NEK9: variants seen among roughly 807,000 people sequenced by gnomAD.
NEK9 encodes the protein serine/threonine-protein kinase Nek9.
In NEK9, 75 loss-of-function variants were observed where a neutral mutation model predicts 123.4. That is an observed-to-expected ratio of 0.61 (90% CI 0.50 to 0.74). The LOEUF is 0.74. Among genes scored for constraint, NEK9 ranks in the 30% least tolerant of loss-of-function variants. The pLI is 0.00. For missense variants in NEK9, 952 were observed against 1,214.4 expected, an observed-to-expected ratio of 0.78 and a Z score of 3.21; for synonymous variants, 438 against 458.7, an observed-to-expected ratio of 0.95 and a Z score of 0.58.
At chr14:75,110,145 G>A (rs1389718581) in intron 9 of NEK9, among the ~76,000 whole-genome samples, 176 bp downstream of exon 9, 1 of 152,176 alleles carries the variant, frequency 6.6e-6, no homozygotes, top group Non-Finnish European at 1.5e-5. Flanking sequence ...GGCCACTTTA[G>A]TGTGAGGGTG....
At chr14:75,120,959 T>C (rs774467540) in intron 3 of NEK9, 160 bp downstream of exon 3, 15 of 713,256 alleles carry the variant, frequency 2.1e-5, no homozygotes, top group Non-Finnish European at 3.8e-5. Context: ...ATAGACAGCT[T>C]CCTTGTTAGA....
intron 14 of NEK9, among the ~76,000 whole-genome samples, chr14:75,102,526 G>T (rs1198998090): frequency 2.0e-5 from 3 of 150,344 alleles, no homozygotes; most frequent in Non-Finnish European, 3.0e-5. Flanking sequence ...TTTTTTTTTG[G>T]TATTTTTAGT....
intron 8 of NEK9, among the ~76,000 whole-genome samples, chr14:75,113,098 C>A (rs116507506): frequency 0.015 from 2,312 of 152,258 alleles, 22 homozygotes; most frequent in Middle Eastern, 0.068. Context: ...GGTTTAAAAC[C>A]AATGGGTTGG....
intron 14 of NEK9, among the ~76,000 whole-genome samples, chr14:75,102,603 C>T (rs548125182): frequency 1.1e-3 from 173 of 152,208 alleles, no homozygotes; most frequent in African/African-American, 3.8e-3. Context: ...CCGCCCGCCT[C>T]AGCCTCCCAA....
chr14:75,124,359 G>T (rs1303281196), intron 1 of NEK9, 136 bp from the exon 2 acceptor site: 4 of 661,478 alleles, frequency 6.0e-6, no homozygotes, highest in African/African-American at 3.6e-5. Context: ...CCTTTTAACA[G>T]ACTTTAAAGG....
At chr14:75,117,421 A>G in intron 5 of NEK9, 95 bp from the exon 6 acceptor site, 7 of 1,337,828 alleles carry the variant, frequency 5.2e-6, no homozygotes, top group Non-Finnish European at 7.1e-6. Context: ...GGAACTAGTC[A>G]TAACAACCAT....
In NEK9 at chr14:75,126,775, T is replaced by C. The variant is rs1895545457; in HGVS notation, c.147A>G (p.Glu49=). 6 of 1,531,016 alleles carry C rather than the reference T, an allele frequency of 3.9e-6. No individual in the cohort carries two copies. Among genetic ancestry groups the C allele is most frequent in the Non-Finnish European group, 5.3e-6 (6 of 1,139,942 alleles). The allele number at this position is 1,531,016 out of a possible 1,614,324, so 94.8% of individuals were successfully genotyped here. Residue 49 remains glutamate (E), a synonymous_variant, in exon 1 of 22, where the codon GAA becomes GAG. Transcript: ENST00000238616. ...RAGGGAAEQE[E]LHYIPIRVLG... ...GGACGCGGATGGGGATGTAGTGCAG[T>C]TCCTCCTGCTCCGCCGCGCCGCCGC...
chr14:75,121,857 G>A (rs1895347992), intron 2 of NEK9, among the ~76,000 whole-genome samples: 1 of 152,140 alleles, frequency 6.6e-6, no homozygotes, highest in African/African-American at 2.4e-5. Context: ...GTGACAGTGA[G>A]AGTCTATCTC....
At chr14:75,096,308 C>G (rs1894383108) in intron 17 of NEK9, among the ~76,000 whole-genome samples, 1 of 141,590 alleles carries the variant, frequency 7.1e-6, no homozygotes, top group African/African-American at 2.6e-5. Context: ...AAAAGCTTCT[C>G]AAGGATTCTA....
chr14:75,087,732 T>C (rs1894074359), intron 20 of NEK9, among the ~76,000 whole-genome samples: 1 of 152,256 alleles, frequency 6.6e-6, no homozygotes, highest in Non-Finnish European at 1.5e-5. Context: ...AAAGGTATTA[T>C]TACCTCTTCT....
intron 6 of NEK9, 122 bp downstream of exon 6, chr14:75,117,073 G>T: frequency 8.8e-7 from 1 of 1,132,386 alleles, no homozygotes; most frequent in Non-Finnish European, 1.2e-6. Flanking sequence ...TACTAATCTT[G>T]TACCTGAATA....
intron 4 of NEK9, among the ~76,000 whole-genome samples, chr14:75,119,556 G>A (rs941654333): frequency 6.6e-6 from 1 of 152,134 alleles, no homozygotes; most frequent in Non-Finnish European, 1.5e-5. Flanking sequence ...TGGTGCTCTA[G>A]GTAACCATAA....
At chr14:75,086,193 T>G (rs1252098783) in intron 21 of NEK9, among the ~76,000 whole-genome samples, 1 of 36,178 alleles carries the variant, frequency 2.8e-5, no homozygotes, top group African/African-American at 9.0e-5. Flanking sequence ...TCTCAAAAAA[T>G]AAAAATAAAA....
chr14:75,105,942 G>T lies in NEK9; in HGVS notation c.1575+8C>A. 6.2e-7 allele frequency: 1 copy of T among 1,609,908 alleles called. No homozygotes were observed. Among genetic ancestry groups the T allele is most frequent in the South Asian group, 1.1e-5 (1 of 90,994 alleles). On this transcript the variant is annotated splice_region_variant and intron_variant, in intron 13 of 21. Transcript: ENST00000238616. ...TAGGTTTTAGAAATAAGTTGCTTCT[G>T]ATTTTACCTTTTGTGGTGTATAATA...
At chr14:75,110,025 C>T in intron 9 of NEK9, 148 bp from the exon 10 acceptor site, 1 of 864,300 alleles carries the variant, frequency 1.2e-6, no homozygotes, top group Non-Finnish European at 1.8e-6. Flanking sequence ...TGTGCTCTAT[C>T]ACAGCAGACT....
intron 11 of NEK9, 124 bp downstream of exon 11, chr14:75,107,219 G>T (rs1894807604): frequency 6.0e-6 from 6 of 992,770 alleles, no homozygotes; most frequent in Admixed American, 2.8e-5. Context: ...GAGTATATTT[G>T]CTCAAGGTCC....
chr14:75,099,715 GT>G (rs1566646161), intron 16 of NEK9, among the ~76,000 whole-genome samples: 26 of 149,854 alleles, frequency 1.7e-4, no homozygotes, highest in Middle Eastern at 3.5e-3. Flanking sequence ...CTGGGAGGCG[GT>G]AGTTGCAGTG....
intron 6 of NEK9, among the ~76,000 whole-genome samples, chr14:75,115,778 AC>A (rs1381026233): frequency 6.6e-6 from 1 of 151,844 alleles, no homozygotes; most frequent in African/African-American, 2.4e-5. Context: ...TATCAACCCC[AC>A]CCCCCAAAAA....
In NEK9 at chr14:75,126,864, T is replaced by C; in HGVS notation, c.58A>G (p.Ser20Gly). 1 of 1,528,416 alleles carries C rather than the reference T, an allele frequency of 6.5e-7. No individual in the cohort carries two copies. Among genetic ancestry groups the C allele is most frequent in the Non-Finnish European group, 8.8e-7 (1 of 1,137,860 alleles). 94.7% of individuals were successfully genotyped at this position (1,528,416 alleles called of 1,614,324 possible). A position where few individuals can be genotyped will look rare whatever the true frequency, so the allele number is the denominator to read the frequency against. ...GAGTCCCCGCAACCCCCGGACTCGC[T>C]CCCAAAGTCCGAGTTGATGGAATCG... Reference protein sequence around the residue: ...HCDSINSDFGSESGGCGDSSP... With the variant: ...HCDSINSDFGGESGGCGDSSP... Residue 20 changes from serine to glycine, a missense_variant, in exon 1 of 22, where the codon AGC becomes GGC. Ser to Gly is a moderately conservative substitution (Grantham distance 56). Around this residue, in one of 4 missense-constraint regions of NEK9, gnomAD observed 120 missense variants for 97.6 expected, o/e 1.23. Transcript: ENST00000238616.
Sources: gnomAD v4.1 joint callset for allele counts (sites outside exome capture counted in the v4.1 genomes callset) on GRCh38, gnomAD v4.1.1 for gene constraint, gnomAD v4.1.1 regional missense constraint, MANE v1.5 for transcripts, NCBI Gene and HGNC (gene_info 2026-07-23, HGNC 2026-07-21) for gene names.